The following PCDH15 variants were observed in gnomAD, a reference collection of about 807,000 sequenced individuals.
PCDH15 encodes the protein protocadherin-15.
PCDH15 carries 129 observed loss-of-function variants against 178.5 expected under a neutral mutation model. The observed-to-expected ratio is 0.72, with a 90% CI of 0.63 to 0.84. The LOEUF (loss-of-function observed/expected upper bound fraction) is 0.84. Among genes scored for constraint, PCDH15 ranks in the 40% least tolerant of loss-of-function variants. The pLI is 0.00. For missense variants in PCDH15, 2,230 were observed against 2,099.9 expected (o/e 1.06, Z -1.21); for synonymous variants, 800 against 732.0 (o/e 1.09, Z -1.50).
At chr10:54,539,258 T>A (rs1320662476) in intron 2 of PCDH15, among the ~76,000 whole-genome samples, 1 of 152,074 alleles carries the variant, frequency 6.6e-6, no homozygotes, top group Non-Finnish European at 1.5e-5. Context: ...ATGATCCCCA[T>A]AGGCTCAAAG....
At chr10:53,819,018 A>G (rs2076161890) in intron 33 of PCDH15, among the ~76,000 whole-genome samples, 1 of 152,038 alleles carries the variant, frequency 6.6e-6, no homozygotes, top group Non-Finnish European at 1.5e-5. Context: ...AAGCTTCTCA[A>G]TTGATTCTTT....
At chr10:55,195,283 A>G (rs1840056254) in intron 1 of PCDH15, among the ~76,000 whole-genome samples, 1 of 151,822 alleles carries the variant, frequency 6.6e-6, no homozygotes, top group South Asian at 2.1e-4. Flanking sequence ...TCGGCCTCCC[A>G]AAGTGCTGGG....
At chr10:54,685,090 A>T (rs896475649) in intron 1 of PCDH15, among the ~76,000 whole-genome samples, 4 of 151,972 alleles carry the variant, frequency 2.6e-5, no homozygotes, top group African/African-American at 9.7e-5. Context: ...AAAAATACAC[A>T]TTAGCCTAGG....
chr10:53,843,377 C>T (rs2077776836), intron 28 of PCDH15, among the ~76,000 whole-genome samples: 1 of 151,490 alleles, frequency 6.6e-6, no homozygotes, highest in Admixed American at 6.6e-5. Flanking sequence ...TATTCATTAC[C>T]TATATGTATA....
chr10:54,005,177 A>G (rs2092341243), intron 20 of PCDH15, among the ~76,000 whole-genome samples: 1 of 152,144 alleles, frequency 6.6e-6, no homozygotes, highest in Non-Finnish European at 1.5e-5. Flanking sequence ...TTGATTAAAG[A>G]TATGAATCTA....
At chr10:55,142,229 A>T (rs2132089884) in intron 2 of PCDH15, among the ~76,000 whole-genome samples, 1 of 152,228 alleles carries the variant, frequency 6.6e-6, no homozygotes, top group African/African-American at 2.4e-5. Flanking sequence ...TAATGGTTTT[A>T]TCATCTTATT....
At chr10:53,991,670 A>G (rs1444005073) in intron 21 of PCDH15, among the ~76,000 whole-genome samples, 2 of 152,078 alleles carry the variant, frequency 1.3e-5, no homozygotes, top group South Asian at 4.1e-4. Context: ...CTCTGTGTCT[A>G]GCTCAAGGTT....
intron 2 of PCDH15, among the ~76,000 whole-genome samples, chr10:54,568,208 G>A (rs1264013342): frequency 1.3e-5 from 2 of 151,844 alleles, no homozygotes; most frequent in African/African-American, 2.4e-5. Context: ...TAAGGCCTGT[G>A]AATTTCCTTC....
chr10:55,346,577 A>C (rs1844759702), intron 2 of PCDH15, among the ~76,000 whole-genome samples: 1 of 152,148 alleles, frequency 6.6e-6, no homozygotes, highest in African/African-American at 2.4e-5. Flanking sequence ...GAAAACATTG[A>C]ATCTCTGGAC....
intron 3 of PCDH15, among the ~76,000 whole-genome samples, chr10:54,878,424 A>G (rs780430127): frequency 3.6e-4 from 55 of 152,236 alleles, no homozygotes; most frequent in Non-Finnish European, 5.9e-4. Flanking sequence ...ACAAGAAGAC[A>G]GCCAGAGTGT....
chr10:55,553,322 T>G (rs1373689708), intron 2 of PCDH15, among the ~76,000 whole-genome samples: 4 of 151,760 alleles, frequency 2.6e-5, no homozygotes, highest in Admixed American at 2.6e-4. Context: ...AATAGCTGAA[T>G]TATTGAGTAA....
intron 2 of PCDH15, among the ~76,000 whole-genome samples, chr10:55,164,815 T>G (rs1284269397): frequency 6.6e-6 from 1 of 152,150 alleles, no homozygotes; most frequent in Non-Finnish European, 1.5e-5. Context: ...AGTCATCATT[T>G]GTACACACTC....
intron 18 of PCDH15, among the ~76,000 whole-genome samples, chr10:54,030,226 C>T (rs1419401007): frequency 6.6e-6 from 1 of 151,916 alleles, no homozygotes; most frequent in African/African-American, 2.4e-5. Flanking sequence ...TTTAAGAGGT[C>T]GTGTACATCT....
chr10:54,671,721 G>C (rs1590958513), intron 1 of PCDH15, among the ~76,000 whole-genome samples: 1 of 152,240 alleles, frequency 6.6e-6, no homozygotes, highest in East Asian at 1.9e-4. Context: ...ACAGCTTTAT[G>C]AGAAAAACTA....
rs1436818428 is a variant in PCDH15, at chr10:54,586,731, C to G, written c.92-58854G>C. On this transcript the variant is annotated intron_variant, in intron 2 of 37. Coordinates refer to ENST00000644397, the MANE Select transcript of PCDH15 (RefSeq NM_001384140.1). ...AGTTAGACCAGTTACCCAGCTCAAGCGATTCTCCCACCTCATCCTTCTAAA... is the reference window on the plus strand; with the variant it reads ...AGTTAGACCAGTTACCCAGCTCAAGGGATTCTCCCACCTCATCCTTCTAAA... Among the ~76,000 whole-genome samples, 3 of 152,078 alleles carry G rather than the reference C, an allele frequency of 2.0e-5. No individual in the cohort carries two copies. In the South Asian group the frequency reaches 6.2e-4, roughly 31 times the overall value.
At chr10:54,947,167 A>G (rs986272770) in intron 2 of PCDH15, among the ~76,000 whole-genome samples, 1 of 151,930 alleles carries the variant, frequency 6.6e-6, no homozygotes, top group Non-Finnish European at 1.5e-5. Flanking sequence ...GTAATAAGAC[A>G]TAACACTAGT....
At chr10:54,966,369 G>T (rs1457845296) in intron 2 of PCDH15, among the ~76,000 whole-genome samples, 1 of 151,986 alleles carries the variant, frequency 6.6e-6, no homozygotes. Context: ...GATATATTCT[G>T]AGAAACGTAT....
chr10:53,824,397 C>CTT (rs1248434681), intron 32 of PCDH15, among the ~76,000 whole-genome samples: 1 of 152,042 alleles, frequency 6.6e-6, no homozygotes, highest in Non-Finnish European at 1.5e-5. Flanking sequence ...TATTTACCCA[C>CTT]TTAGCAGGAA....
chr10:54,206,837 C>G (rs969248322), intron 10 of PCDH15, among the ~76,000 whole-genome samples: 1 of 151,984 alleles, frequency 6.6e-6, no homozygotes, highest in South Asian at 2.1e-4. Context: ...AGAACGATTA[C>G]TCGGGAACAT....
Sources: allele counts gnomAD v4.1 joint callset (sites outside exome capture counted in the v4.1 genomes callset), GRCh38; gene constraint gnomAD v4.1.1; transcripts MANE v1.5; gene names NCBI Gene and HGNC (gene_info 2026-07-23, HGNC 2026-07-21).